AUTS2: variants seen among roughly 807,000 people sequenced by gnomAD.
AUTS2 encodes autism susceptibility gene 2 protein.
Under a neutral mutation model 112.4 loss-of-function variants are expected in AUTS2, and 17 were observed. The observed-to-expected ratio is 0.15, with a 90% CI of 0.10 to 0.23. The LOEUF (loss-of-function observed/expected upper bound fraction) is 0.23, where lower values mean the gene tolerates loss of function less well. Ranked by LOEUF, AUTS2 falls within the 10% of genes least tolerant of loss-of-function variation. The pLI is 1.00. For synonymous variants in AUTS2, 751 were observed against 702.7 expected (o/e 1.07, Z -1.09); for missense variants, 1,510 against 1,701.6 (o/e 0.89, Z 1.98).
intron 5 of AUTS2, among the ~76,000 whole-genome samples, chr7:70,441,985 C>T (rs1325250395): frequency 6.6e-6 from 1 of 152,102 alleles, no homozygotes; most frequent in African/African-American, 2.4e-5. Context: ...TCAGAAGGCC[C>T]TCATTGTTGC....
chr7:70,432,703 T>C (rs1005919115), intron 4 of AUTS2, among the ~76,000 whole-genome samples: 2 of 152,208 alleles, frequency 1.3e-5, no homozygotes, highest in Non-Finnish European at 2.9e-5. Context: ...GCTGAGTGCA[T>C]TTATTGGCTT....
chr7:70,438,788 G>A (rs1233644891), intron 5 of AUTS2, among the ~76,000 whole-genome samples: 3 of 152,136 alleles, frequency 2.0e-5, no homozygotes, highest in Non-Finnish European at 4.4e-5. Context: ...ATTCGCATTC[G>A]AATCTGAATT....
At chr7:70,132,591 C>T (rs1806335364) in intron 3 of AUTS2, among the ~76,000 whole-genome samples, 1 of 152,088 alleles carries the variant, frequency 6.6e-6, no homozygotes, top group Admixed American at 6.6e-5. Context: ...CCCACTGTTC[C>T]CTCATTCAGT....
At chr7:70,387,373 T>C (rs1340711851) in intron 4 of AUTS2, among the ~76,000 whole-genome samples, 1 of 152,220 alleles carries the variant, frequency 6.6e-6, no homozygotes, top group Non-Finnish European at 1.5e-5. Flanking sequence ...TGAAGCACTC[T>C]TTTTCCTTTG....
At chr7:69,945,312 G>A in intron 2 of AUTS2, among the ~76,000 whole-genome samples, 1 of 151,954 alleles carries the variant, frequency 6.6e-6, no homozygotes. Context: ...CTGTCTGTGT[G>A]GATTCACCTG....
chr7:70,063,554 C>T (rs531176684), intron 2 of AUTS2, among the ~76,000 whole-genome samples: 2 of 152,220 alleles, frequency 1.3e-5, no homozygotes, highest in South Asian at 2.1e-4. Context: ...TCATAGATAG[C>T]ACTTCTGGAG....
At chr7:70,012,789 A>AT (rs1168003279) in intron 2 of AUTS2, among the ~76,000 whole-genome samples, 1 of 152,202 alleles carries the variant, frequency 6.6e-6, no homozygotes, top group African/African-American at 2.4e-5. Flanking sequence ...TGTGATCAGT[A>AT]TGTGATGATG....
intron 2 of AUTS2, among the ~76,000 whole-genome samples, chr7:69,942,792 G>A (rs893132343): frequency 2.0e-5 from 3 of 152,210 alleles, no homozygotes; most frequent in Non-Finnish European, 2.9e-5. Flanking sequence ...AAACTGTTAC[G>A]TGACTTGTGT....
chr7:69,660,552 G>A (rs1162796490), intron 1 of AUTS2, among the ~76,000 whole-genome samples: 1 of 152,166 alleles, frequency 6.6e-6, no homozygotes, highest in East Asian at 1.9e-4. Flanking sequence ...TTGAGTGGAG[G>A]TGGTTCTGTG....
chr7:69,713,459 AGTTT>A (rs1798433216), intron 1 of AUTS2, among the ~76,000 whole-genome samples: 1 of 145,882 alleles, frequency 6.9e-6, no homozygotes, highest in African/African-American at 2.5e-5. Flanking sequence ...TGCTTTCAAG[AGTTT>A]TTTTTTTTTT....
chr7:70,439,167 G>GT (rs1209558554), intron 5 of AUTS2, among the ~76,000 whole-genome samples: 4 of 152,214 alleles, frequency 2.6e-5, no homozygotes, highest in African/African-American at 9.6e-5. Flanking sequence ...ACTGAGCAAA[G>GT]TATCTCCCTT....
chr7:69,759,129 C>T (rs6970097), intron 1 of AUTS2, among the ~76,000 whole-genome samples: 9,599 of 152,138 alleles, frequency 0.063, 336 homozygotes, highest in East Asian at 0.13. Flanking sequence ...CAGAGAGACT[C>T]GGTAATTTGC....
intron 5 of AUTS2, among the ~76,000 whole-genome samples, chr7:70,536,997 A>G (rs544162170): frequency 6.6e-6 from 1 of 152,312 alleles, no homozygotes; most frequent in East Asian, 1.9e-4. Context: ...CCAACCAGCT[A>G]GCTCTCTGGT....
At chr7:70,761,838 G>A (rs1789581765) in intron 6 of AUTS2, among the ~76,000 whole-genome samples, 2 of 152,200 alleles carry the variant, frequency 1.3e-5, no homozygotes, top group Admixed American at 6.5e-5. Context: ...TAGTCTCAAT[G>A]TCCAGCACCC....
chr7:70,317,200 G>A (rs768989536), intron 4 of AUTS2, among the ~76,000 whole-genome samples: 7 of 151,948 alleles, frequency 4.6e-5, no homozygotes, highest in Non-Finnish European at 8.8e-5. Flanking sequence ...TGTACAAATG[G>A]ATACTTTTTC....
intron 4 of AUTS2, among the ~76,000 whole-genome samples, chr7:70,414,946 G>A (rs1451243118): frequency 6.6e-6 from 1 of 152,182 alleles, no homozygotes; most frequent in East Asian, 1.9e-4. Flanking sequence ...CAAAGTTGGT[G>A]GGCTTCAGTT....
chr7:70,319,252 A>C (rs1585013330), intron 4 of AUTS2, among the ~76,000 whole-genome samples: 1 of 152,170 alleles, frequency 6.6e-6, no homozygotes, highest in East Asian at 1.9e-4. Flanking sequence ...AGATAGCTTT[A>C]ATCTTCAGGC....
intron 1 of AUTS2, among the ~76,000 whole-genome samples, chr7:69,644,065 C>T (rs1366504054): frequency 6.6e-6 from 1 of 152,234 alleles, no homozygotes. Context: ...GCACCCTGAT[C>T]TTGGATTTCC....
rs112862701 is a variant in AUTS2, at chr7:69,917,477, A to G, written c.522+17979A>G. On this transcript the variant is annotated intron_variant, in intron 2 of 18. Coordinates refer to ENST00000342771, the MANE Select transcript of AUTS2 (RefSeq NM_015570.4). ...TCAGAAATGGACTATACTACCTCTT[A>G]GAATAACATCTCTTGAAAGGGATCC... Among the ~76,000 whole-genome samples, 256 of 152,150 alleles carry G rather than the reference A, an allele frequency of 1.7e-3. 6 individuals carry two copies. Among genetic ancestry groups the G allele is most frequent in the African/African-American group, 5.8e-3 (241 of 41,516 alleles).
Sources: allele counts gnomAD v4.1 joint callset (sites outside exome capture counted in the v4.1 genomes callset), GRCh38; gene constraint gnomAD v4.1.1; transcripts MANE v1.5; gene names NCBI Gene and HGNC (gene_info 2026-07-23, HGNC 2026-07-21).